Variants in FLRT1 observed in about 807,000 individuals in gnomAD.
The protein encoded by FLRT1 is fibronectin leucine rich transmembrane protein 1, also known as leucine-rich repeat transmembrane protein FLRT1.
Under a neutral mutation model 30.9 loss-of-function variants are expected in FLRT1, and 14 were observed. The ratio of observed to expected loss-of-function variants is 0.45; its 90% CI spans 0.30 to 0.71. The LOEUF (loss-of-function observed/expected upper bound fraction) is 0.71. Ranked by LOEUF, FLRT1 falls within the 30% of genes least tolerant of loss-of-function variation. The pLI is 0.08. For synonymous variants in FLRT1, 368 were observed against 430.4 expected (o/e 0.85, Z 1.80); for missense variants, 737 against 949.2 (o/e 0.78, Z 2.94).
chr11:64,100,230 T>C (rs1944647628), intron 1 of FLRT1, among the ~76,000 whole-genome samples: 2 of 152,176 alleles, frequency 1.3e-5, no homozygotes, highest in South Asian at 2.1e-4. Context: ...CATATATGTA[T>C]GGGCAGATTC....
chr11:64,089,252 G>C (rs1047094307), intron 1 of FLRT1, among the ~76,000 whole-genome samples: 4 of 152,322 alleles, frequency 2.6e-5, no homozygotes, highest in South Asian at 2.1e-4. Context: ...GGCTCTGGGT[G>C]GGGGAGCAGG....
intron 1 of FLRT1, among the ~76,000 whole-genome samples, chr11:64,095,578 A>G (rs1944561523): frequency 6.6e-6 from 1 of 152,130 alleles, no homozygotes; most frequent in Non-Finnish European, 1.5e-5. Flanking sequence ...GGAAGTAGAG[A>G]ACTGAGGTTG....
chr11:64,054,309 C>G (rs773000725), intron 1 of FLRT1, among the ~76,000 whole-genome samples: 6 of 152,188 alleles, frequency 3.9e-5, no homozygotes, highest in Admixed American at 6.5e-5. Flanking sequence ...GAAGAACTGC[C>G]TGACAACGGG....
chr11:64,038,762 T>G (rs1264414282), intron 1 of FLRT1, among the ~76,000 whole-genome samples: 2 of 152,180 alleles, frequency 1.3e-5, no homozygotes, highest in African/African-American at 4.8e-5. Context: ...ATCAACCACC[T>G]AGTCATCCCT....
chr11:64,047,473 G>A (rs1012242153), intron 1 of FLRT1, among the ~76,000 whole-genome samples: 1 of 152,136 alleles, frequency 6.6e-6, no homozygotes, highest in Non-Finnish European at 1.5e-5. Flanking sequence ...GCAGGTGGAG[G>A]AGTGACCAGC....
rs761333676 is a variant in FLRT1 at position 64,116,330 on chromosome 11, C to A, written c.63C>A (p.Thr21=). ...TTTPTATVTA[T]VVMTTATMDL... is the part of the protein sequence containing the mutation. ...CGCCCACTGCCACTGTCACGGCCAC[C>A]GTTGTGATGACCACGGCCACCATGG... is the stretch of plus-strand genomic sequence containing the variant. The change falls in exon 3 of 3, where the codon ACC becomes ACA. Residue 21 remains threonine (T), a synonymous_variant. Transcript: ENST00000682287. 1 of 1,610,806 alleles carries A rather than the reference C, an allele frequency of 6.2e-7. No homozygotes were observed. The highest frequency in any genetic ancestry group is 8.5e-7 in the Non-Finnish European group (1 of 1,179,116).
At chr11:64,098,606 A>G (rs1944619166) in intron 1 of FLRT1, among the ~76,000 whole-genome samples, 1 of 152,198 alleles carries the variant, frequency 6.6e-6, no homozygotes, top group Non-Finnish European at 1.5e-5. Context: ...GAGCCATGGA[A>G]CAAACTCCAG....
chr11:64,115,178 C>T (rs1944954729), intron 2 of FLRT1, among the ~76,000 whole-genome samples: 1 of 152,180 alleles, frequency 6.6e-6, no homozygotes, highest in Non-Finnish European at 1.5e-5. Context: ...AAGACACCTT[C>T]CTCACTGAGA....
intron 1 of FLRT1, among the ~76,000 whole-genome samples, chr11:64,060,968 C>A (rs901523324): frequency 6.6e-6 from 1 of 151,866 alleles, no homozygotes; most frequent in African/African-American, 2.4e-5. Flanking sequence ...GCTCCCGGGC[C>A]GCCAGGCGAC....
intron 1 of FLRT1, among the ~76,000 whole-genome samples, chr11:64,080,033 G>C (rs1322402419): frequency 6.6e-6 from 1 of 152,178 alleles, no homozygotes; most frequent in African/African-American, 2.4e-5. Flanking sequence ...TTAATTTTGA[G>C]ATGGAGTCTC....
chr11:64,049,716 C>T (rs1425764946), intron 1 of FLRT1, among the ~76,000 whole-genome samples: 1 of 152,240 alleles, frequency 6.6e-6, no homozygotes, highest in Non-Finnish European at 1.5e-5. Context: ...CACCCCAGAG[C>T]CCAGTGTCTT....
At chr11:64,038,148 C>T (rs1179612993) in intron 1 of FLRT1, among the ~76,000 whole-genome samples, 1 of 152,180 alleles carries the variant, frequency 6.6e-6, no homozygotes, top group Non-Finnish European at 1.5e-5. Context: ...GAGGTCCGCC[C>T]AGCTGTTTCT....
At chr11:64,089,234 G>T (rs751078197) in intron 1 of FLRT1, among the ~76,000 whole-genome samples, 8 of 152,208 alleles carry the variant, frequency 5.3e-5, no homozygotes, top group Non-Finnish European at 1.2e-4. Context: ...GCGGAGGTGA[G>T]GGCCCCGGGC....
At chr11:64,038,845 C>A (rs1302674489) in intron 1 of FLRT1, among the ~76,000 whole-genome samples, 1 of 152,220 alleles carries the variant, frequency 6.6e-6, no homozygotes, top group Non-Finnish European at 1.5e-5. Flanking sequence ...GGGAGGGTTT[C>A]TCTACCTGGC....
chr11:64,101,435 C>T (rs1216915011), intron 1 of FLRT1, among the ~76,000 whole-genome samples: 1 of 152,130 alleles, frequency 6.6e-6, no homozygotes, highest in Non-Finnish European at 1.5e-5. Context: ...TGGTTTCTCT[C>T]TTTATCGGGA....
rs1944339677 is a variant in FLRT1 at position 64,083,552 on chromosome 11, G to A, written c.-1037-19642G>A. On this transcript the variant is annotated intron_variant, in intron 1 of 2. Transcript: ENST00000682287. ...CTCCCTCCCTCCTCTTGATCCTCTC[G>A]TATTATGTTGTATTTCTGTAAGCTG... 2.6e-5 allele frequency among the ~76,000 whole-genome samples: 4 copies of A among 152,230 alleles called. No individual in the cohort carries two copies. In the South Asian group the frequency reaches 6.2e-4, roughly 24 times the overall value.
In FLRT1 at chr11:64,090,276, CG is replaced by C. The variant is rs1944466563; in HGVS notation, c.-1037-12917del. Among the ~76,000 whole-genome samples the C allele has an allele frequency of 2.6e-5, 4 of 152,188 alleles. No individual in the cohort carries two copies. The South Asian group carries it at 8.3e-4, about 31-fold the overall frequency. On this transcript the variant is annotated intron_variant, in intron 1 of 2. Coordinates refer to ENST00000682287, the MANE Select transcript of FLRT1 (RefSeq NM_013280.5). This position sits in a 1 kb window ranked among gnomAD's most constrained non-coding sequence, Gnocchi z 4.7. ...CTTTGCTCATCCTCGGGAAATGCAT[CG>C]TGCGTTGCTTTTCCCGTCTGGGAGT...
At chr11:64,054,721 C>G (rs1401158931) in intron 1 of FLRT1, among the ~76,000 whole-genome samples, 1 of 152,134 alleles carries the variant, frequency 6.6e-6, no homozygotes, top group Non-Finnish European at 1.5e-5. Flanking sequence ...CCCAAATCAA[C>G]AAACTTCCTT....
Position 64,117,876 on chromosome 11 carries a change from A to C in FLRT1, c.1609A>C (p.Thr537Pro), listed in dbSNP as rs911603132. 6.2e-7 allele frequency: 1 copy of C among 1,613,868 alleles called. No homozygotes were observed. The highest frequency in any genetic ancestry group is 8.5e-7 in the Non-Finnish European group (1 of 1,179,988). The change falls in exon 3 of 3, where the codon ACC becomes CCC. Residue 537 changes from threonine (T) to proline (P), a missense_variant. Transcript: ENST00000682287. Reference sequence around the variant, plus strand: ...GACAGCCGACAGCTATGGCCCTACCACCACACTCAACCAGGAGCAGAACGC... The same window carrying C: ...GACAGCCGACAGCTATGGCCCTACCCCCACACTCAACCAGGAGCAGAACGC... ...AETADSYGPTTTLNQEQNAGP... is the reference protein window; with the variant it reads ...AETADSYGPTPTLNQEQNAGP...
Sources: allele counts gnomAD v4.1 joint callset (sites outside exome capture counted in the v4.1 genomes callset), GRCh38; gene constraint gnomAD v4.1.1; non-coding constraint Gnocchi (gnomAD v3.1); transcripts MANE v1.5; gene names NCBI Gene and HGNC (gene_info 2026-07-23, HGNC 2026-07-21).